Variants in CYFIP2 observed in about 807,000 individuals in gnomAD.
CYFIP2 encodes cytoplasmic FMR1-interacting protein 2.
CYFIP2 carries 29 observed loss-of-function variants against 158.7 expected under a neutral mutation model. The observed-to-expected ratio is 0.18, with a 90% CI of 0.14 to 0.25. The LOEUF is 0.25. Among genes scored for constraint, CYFIP2 ranks in the 10% least tolerant of loss-of-function variants. CYFIP2 has a pLI of 1.00. For synonymous variants in CYFIP2, 585 were observed against 617.6 expected (o/e 0.95, Z 0.78); for missense variants, 852 against 1,639.5 (o/e 0.52, Z 8.29).
intron 6 of CYFIP2, among the ~76,000 whole-genome samples, chr5:157,302,279 C>T (rs908309373): frequency 3.9e-5 from 6 of 152,166 alleles, no homozygotes; most frequent in South Asian, 2.1e-4. Flanking sequence ...TCCCTGTGCC[C>T]GTCATCCCAT....
intron 29 of CYFIP2, among the ~76,000 whole-genome samples, chr5:157,390,257 C>T (rs1250761966): frequency 3.4e-5 from 5 of 148,464 alleles, no homozygotes; most frequent in Non-Finnish European, 4.5e-5. Flanking sequence ...AAATTCAGAG[C>T]GTCTTTAGAG....
intron 23 of CYFIP2, among the ~76,000 whole-genome samples, chr5:157,358,671 A>G (rs1581135585): frequency 6.6e-6 from 1 of 152,204 alleles, no homozygotes; most frequent in Non-Finnish European, 1.5e-5. Context: ...TCGGCTGTTT[A>G]TCTTTTCCCC....
intron 13 of CYFIP2, among the ~76,000 whole-genome samples, chr5:157,318,131 CAA>C (rs1760300559): frequency 6.6e-6 from 1 of 152,182 alleles, no homozygotes; most frequent in African/African-American, 2.4e-5. Context: ...AGTCTTCAGT[CAA>C]ATATATGTCG....
intron 26 of CYFIP2, among the ~76,000 whole-genome samples, chr5:157,374,601 G>C (rs540799698): frequency 2.6e-5 from 4 of 152,140 alleles, no homozygotes; most frequent in Non-Finnish European, 4.4e-5. Context: ...CATTTGTCTT[G>C]CTTTGGTATC....
At chr5:157,291,478 A>T (rs1431265485) in intron 3 of CYFIP2, among the ~76,000 whole-genome samples, 4 of 152,248 alleles carry the variant, frequency 2.6e-5, no homozygotes, top group Non-Finnish European at 4.4e-5. Context: ...TGTTTGCAGC[A>T]CAAAGCACAG....
intron 26 of CYFIP2, among the ~76,000 whole-genome samples, chr5:157,372,737 C>G (rs764268320): frequency 3.9e-5 from 6 of 152,096 alleles, no homozygotes; most frequent in Non-Finnish European, 7.4e-5. Flanking sequence ...TGAGGAAATA[C>G]CAGTTTAAGA....
intron 1 of CYFIP2, among the ~76,000 whole-genome samples, chr5:157,273,349 G>T (rs1381716852): frequency 6.6e-6 from 1 of 152,050 alleles, no homozygotes; most frequent in Non-Finnish European, 1.5e-5. Flanking sequence ...CTCCCTTCTT[G>T]TTCTCATTCT....
chr5:157,279,555 G>A (rs543345893), intron 1 of CYFIP2, among the ~76,000 whole-genome samples: 56 of 151,958 alleles, frequency 3.7e-4, no homozygotes, highest in Admixed American at 6.5e-4. Context: ...GCCTGGGGGG[G>A]CACCTAAAGC....
intron 21 of CYFIP2, among the ~76,000 whole-genome samples, chr5:157,338,505 A>G (rs1290811990): frequency 6.6e-6 from 1 of 152,256 alleles, no homozygotes; most frequent in Non-Finnish European, 1.5e-5. Flanking sequence ...CTCGGTTTCC[A>G]TATGTATAAA....
chr5:157,295,281 C>A (rs1758162374), intron 4 of CYFIP2, among the ~76,000 whole-genome samples: 1 of 152,178 alleles, frequency 6.6e-6, no homozygotes, highest in Non-Finnish European at 1.5e-5. Context: ...TTATTATTTA[C>A]AAAAATGTAT....
chr5:157,315,757 A>G (rs1186252084), intron 13 of CYFIP2, among the ~76,000 whole-genome samples: 2 of 152,218 alleles, frequency 1.3e-5, no homozygotes, highest in South Asian at 2.1e-4. Flanking sequence ...AACCAGGTCA[A>G]TAAGTTAAGA....
chr5:157,366,784 C>G (rs751909840), intron 26 of CYFIP2, among the ~76,000 whole-genome samples: 5 of 152,138 alleles, frequency 3.3e-5, no homozygotes, highest in Non-Finnish European at 7.4e-5. Flanking sequence ...CTAGTGTTTC[C>G]TCTAGTATTT....
chr5:157,274,865 G>C (rs139811361), intron 1 of CYFIP2, among the ~76,000 whole-genome samples: 92 of 152,280 alleles, frequency 6.0e-4, no homozygotes, highest in Middle Eastern at 6.8e-3. Context: ...AGAAAAATCT[G>C]TTCCTTGCCT....
chr5:157,343,685 G>T, intron 23 of CYFIP2: 1 of 712,550 alleles, frequency 1.4e-6, no homozygotes, highest in Non-Finnish European at 2.2e-6. Flanking sequence ...AGGCCGAGAG[G>T]TTCTGTTATT....
intron 26 of CYFIP2, among the ~76,000 whole-genome samples, chr5:157,370,275 A>G (rs1195719477): frequency 3.9e-5 from 6 of 152,186 alleles, no homozygotes; most frequent in African/African-American, 9.6e-5. Context: ...TAGAGCTGCC[A>G]GAGTCTTGAC....
chr5:157,295,304 A>T (rs1471860257), intron 4 of CYFIP2, among the ~76,000 whole-genome samples: 1 of 152,294 alleles, frequency 6.6e-6, no homozygotes, highest in East Asian at 1.9e-4. Flanking sequence ...TTTTGTGTTT[A>T]TATTGTTCTG....
At chr5:157,353,059 A>G (rs2113320710) in intron 23 of CYFIP2, among the ~76,000 whole-genome samples, 2 of 152,302 alleles carry the variant, frequency 1.3e-5, no homozygotes, top group Middle Eastern at 6.8e-3. Context: ...ATTTTGGCCT[A>G]GTGATACCAG....
chr5:157,328,335 A>C (rs1761187036), intron 19 of CYFIP2, among the ~76,000 whole-genome samples: 1 of 152,210 alleles, frequency 6.6e-6, no homozygotes, highest in African/African-American at 2.4e-5. Context: ...GCTCATGGGA[A>C]TGTACGATGG....
intron 13 of CYFIP2, 58 bp downstream of exon 13, chr5:157,315,152 C>A: frequency 1.2e-6 from 2 of 1,601,618 alleles, no homozygotes; most frequent in Admixed American, 3.4e-5. Context: ...CATGGTGGTT[C>A]CTGAGTAGTT....
Sources: gnomAD v4.1 joint callset for allele counts (sites outside exome capture counted in the v4.1 genomes callset) on GRCh38, gnomAD v4.1.1 for gene constraint, MANE v1.5 for transcripts, NCBI Gene and HGNC (gene_info 2026-07-23, HGNC 2026-07-21) for gene names.